LRRC40: variants seen among roughly 807,000 people sequenced by gnomAD.
The protein encoded by LRRC40 is leucine-rich repeat-containing protein 40.
Under a neutral mutation model 72.8 loss-of-function variants are expected in LRRC40, and 76 were observed. That is an observed-to-expected ratio of 1.04 (90% CI 0.87 to 1.26). The LOEUF is 1.26. Among genes scored for constraint, LRRC40 ranks in the 50% most tolerant of loss-of-function variants. The pLI, the probability that LRRC40 is intolerant of heterozygous loss-of-function variation, is 0.00. For synonymous variants in LRRC40, 243 were observed against 254.2 expected (o/e 0.96, Z 0.42); for missense variants, 684 against 698.9 (o/e 0.98, Z 0.24).
chr1:70,147,905 T>C (rs2100219476), intron 14 of LRRC40: 1 of 152,248 alleles, frequency 6.6e-6, no homozygotes, highest in Admixed American at 6.5e-5. Flanking sequence ...GGACAACTCT[T>C]TTCCAAAGAA....
At chr1:70,166,037 C>A (rs1279979538) in intron 9 of LRRC40, among the ~76,000 whole-genome samples, 2 of 152,140 alleles carry the variant, frequency 1.3e-5, no homozygotes, top group Non-Finnish European at 2.9e-5. Context: ...TGTTTCAGTT[C>A]TATTTGAAAT....
Position 70,181,270 on chromosome 1 carries a change from C to T in LRRC40, c.538-61G>A, listed in dbSNP as rs947276801. ...AAGTAAAAAAATAAATAAATAATGC[C>T]CTAAAAAGGATTTCAAATTTTTGAA... On this transcript the variant is annotated intron_variant, in intron 4 of 14. Transcript: ENST00000370952. 15 of 1,072,084 alleles carry T rather than the reference C, an allele frequency of 1.4e-5. No individual in the cohort carries two copies. In the African/African-American group the frequency reaches 2.3e-4, roughly 17 times the overall value. 66.4% of individuals were successfully genotyped at this position (1,072,084 alleles called of 1,614,324 possible). A position where few individuals can be genotyped will look rare whatever the true frequency, so the allele number is the denominator to read the frequency against.
Position 70,190,677 on chromosome 1 carries a change from TAAAAA to T in LRRC40, c.152-1409_152-1405del, listed in dbSNP as rs59341874. Among the ~76,000 whole-genome samples, 10 of 54,360 alleles carry T rather than the reference TAAAAA, an allele frequency of 1.8e-4. 1 individual carries two copies. The highest frequency in any genetic ancestry group is 7.6e-4 in the African/African-American group (6 of 7,916). The allele number at this position is 54,360 out of a possible 152,430, so 35.7% of individuals were successfully genotyped here. A position where few individuals can be genotyped will look rare whatever the true frequency, so the allele number is the denominator to read the frequency against. On this transcript the variant is annotated intron_variant, in intron 1 of 14. Transcript: ENST00000370952. ...GGGAAACAGAGTGAGACCCTGTCTC[TAAAAA>T]AAAAAAAAAAAAAACTTAAAAAAAG...
intron 6 of LRRC40, among the ~76,000 whole-genome samples, chr1:70,176,543 A>C (rs1367001268): frequency 1.3e-5 from 2 of 151,216 alleles, no homozygotes. Flanking sequence ...AAAAAAAAAA[A>C]AAAAAAAAAA....
chr1:70,186,769 C>T (rs1489920628), intron 3 of LRRC40, among the ~76,000 whole-genome samples: 1 of 152,132 alleles, frequency 6.6e-6, no homozygotes, highest in Non-Finnish European at 1.5e-5. Flanking sequence ...CACTGAACAT[C>T]CCATGTACCA....
rs374870819 is a variant in LRRC40, at chr1:70,155,711, G to C, written c.1306C>G (p.Gln436Glu). ...TACCTTTTTGGAATTTCACATAGTT[G>C]ATTCTTACTGAAGTTAATAGAAGTG... ...IVTSINFSKN[Q>E]LCEIPKRMVE... Residue 436 changes from glutamine to glutamate, a missense_variant, in exon 11 of 15, where the codon CAA becomes GAA. Coordinates refer to ENST00000370952, the MANE Select transcript of LRRC40 (RefSeq NM_017768.5). 1.3e-6 allele frequency: 2 copies of C among 1,553,574 alleles called. No individual in the cohort carries two copies. Among genetic ancestry groups the C allele is most frequent in the Non-Finnish European group, 1.8e-6 (2 of 1,139,288 alleles).
intron 9 of LRRC40, among the ~76,000 whole-genome samples, chr1:70,170,114 T>G (rs146232318): frequency 5.1e-4 from 78 of 152,300 alleles, no homozygotes; most frequent in African/African-American, 1.9e-3. Flanking sequence ...TGAAAATCAA[T>G]TAAGGTAATA....
rs996155014 is a variant in LRRC40, at chr1:70,178,946, G to T, written c.709C>A (p.Pro237Thr). Residue 237 changes from proline to threonine, a missense_variant, in exon 6 of 15, where the codon CCT (proline) becomes ACT (threonine). By Grantham distance (38) the Pro-to-Thr change is conservative (BLOSUM62 -1). Transcript: ENST00000370952. ...CNSNLLETIP[P>T]ELAGMESLEL... ...AGTGATTCCATGCCAGCCAATTCAG[G>T]AGGTATAGTTTCCAAGAGATTTGAA... is the stretch of plus-strand genomic sequence containing the variant. 6.2e-7 allele frequency: 1 copy of T among 1,601,146 alleles called. No homozygotes were observed. Among genetic ancestry groups the T allele is most frequent in the Non-Finnish European group, 8.5e-7 (1 of 1,171,416 alleles).
chr1:70,148,560 G>T lies in LRRC40; in HGVS notation c.1630C>A (p.Leu544Met), dbSNP rs1274539018. The T allele has an allele frequency of 1.2e-6, 2 of 1,613,516 alleles. No homozygotes were observed. Among genetic ancestry groups the T allele is most frequent in the Non-Finnish European group, 1.7e-6 (2 of 1,179,678 alleles). ...TTATTTTGAAGGTCCAACGTGGTCA[G>T]ATTTTCCATCATCTTCATTTTCTGA... The part of the protein sequence containing the change: ...DPQKMKMMEN[L>M]TTLDLQNNDL... The change falls in exon 14 of 15, where the codon CTG becomes ATG. Residue 544 changes from leucine to methionine, a missense_variant. Physicochemically the swap from Leu to Met is conservative, Grantham distance 15. Transcript: ENST00000370952.
Position 70,205,051 on chromosome 1 carries a change from G to A in LRRC40, c.151+339C>T, listed in dbSNP as rs537261305. On this transcript the variant is annotated intron_variant, in intron 1 of 14. Coordinates refer to ENST00000370952, the MANE Select transcript of LRRC40 (RefSeq NM_017768.5). ...ATTACAATAAGAGGAGGAAAATAAG[G>A]GCCAAAGAAACAAAAGATTTGCCCG... 1.3e-4 allele frequency among the ~76,000 whole-genome samples: 20 copies of A among 152,224 alleles called. No homozygotes were observed. The South Asian group carries it at 4.0e-3, about 30-fold the overall frequency.
intron 7 of LRRC40, among the ~76,000 whole-genome samples, chr1:70,174,442 G>A (rs934914258): frequency 3.3e-5 from 5 of 152,118 alleles, no homozygotes; most frequent in East Asian, 1.9e-4. Context: ...ACTGCTACAC[G>A]TTTACTCAGG....
intron 1 of LRRC40, among the ~76,000 whole-genome samples, chr1:70,199,894 G>C (rs1668699431): frequency 2.0e-5 from 3 of 151,944 alleles, no homozygotes; most frequent in Non-Finnish European, 4.4e-5. Context: ...GAGTAACCAG[G>C]TTTCAGTTAT....
rs567531999 is a variant in LRRC40 at position 70,146,722 on chromosome 1, C to A, written c.1704-817G>T. Reference sequence around the variant, plus strand: ...CTGTAATGTAATCAATGTATCACCACCACTGCTCCACCCCCTGCCTCCCAA... The same window carrying A: ...CTGTAATGTAATCAATGTATCACCAACACTGCTCCACCCCCTGCCTCCCAA... On this transcript the variant is annotated intron_variant, in intron 14 of 14. Coordinates refer to ENST00000370952, the MANE Select transcript of LRRC40 (RefSeq NM_017768.5). 1.3e-3 allele frequency among the ~76,000 whole-genome samples: 194 copies of A among 152,258 alleles called. 2 individuals carry two copies. Among genetic ancestry groups the A allele is most frequent in the East Asian group, 1.5e-3 (8 of 5,182 alleles).
At chr1:70,175,762 A>G (rs1344959885) in intron 7 of LRRC40, 48 bp downstream of exon 7, 1 of 1,316,848 alleles carries the variant, frequency 7.6e-7, no homozygotes, top group African/African-American at 1.6e-5. Context: ...ATTATGAATT[A>G]TAACCAAATA....
intron 9 of LRRC40, among the ~76,000 whole-genome samples, chr1:70,168,882 C>A (rs571491809): frequency 6.6e-6 from 1 of 152,070 alleles, no homozygotes; most frequent in Admixed American, 6.6e-5. Flanking sequence ...GAAAATGACA[C>A]AACATACCAA....
At chr1:70,150,945 C>T (rs1448532113) in intron 13 of LRRC40, among the ~76,000 whole-genome samples, 183 bp downstream of exon 13, 1 of 152,154 alleles carries the variant, frequency 6.6e-6, no homozygotes, top group Admixed American at 6.5e-5. Context: ...ATATGTTAGA[C>T]ATCAACTATG....
chr1:70,150,478 C>A (rs971289784), intron 13 of LRRC40, among the ~76,000 whole-genome samples: 3 of 152,120 alleles, frequency 2.0e-5, no homozygotes, highest in African/African-American at 7.2e-5. Flanking sequence ...TAGTACAGCA[C>A]CAGCAGAATA....
At position 70,159,356 on chromosome 1, in the gene LRRC40, G is replaced by A. The variant is rs1337779369; in HGVS notation, c.1194C>T (p.Ile398=). 2.0e-6 allele frequency: 3 copies of A among 1,527,150 alleles called. No homozygotes were observed. Among genetic ancestry groups the A allele is most frequent in the Admixed American group, 3.4e-5 (2 of 58,482 alleles). The allele number at this position is 1,527,150 out of a possible 1,614,324, so 94.6% of individuals were successfully genotyped here. A position where few individuals can be genotyped will look rare whatever the true frequency, so the allele number is the denominator to read the frequency against. ...PSESRVNIHA[I]ITLKILDYSD... ...TATAGTCTAATATTTTTAATGTAAT[G>A]ATGGCATGTATATTGACTCTGGATT... Residue 398 remains isoleucine, a synonymous_variant, in exon 10 of 15, where the codon ATC becomes ATT. Coordinates refer to ENST00000370952, the MANE Select transcript of LRRC40 (RefSeq NM_017768.5).
intron 11 of LRRC40, among the ~76,000 whole-genome samples, chr1:70,154,745 C>A (rs1005839919): frequency 6.6e-6 from 1 of 152,100 alleles, no homozygotes; most frequent in Non-Finnish European, 1.5e-5. Flanking sequence ...CTCTCCTCCA[C>A]GACATCACCT....
Sources: allele counts gnomAD v4.1 joint callset (sites outside exome capture counted in the v4.1 genomes callset), GRCh38; gene constraint gnomAD v4.1.1; transcripts MANE v1.5; gene names NCBI Gene and HGNC (gene_info 2026-07-23, HGNC 2026-07-21).